The following KCNT1 variants were observed in gnomAD, a reference collection of about 807,000 sequenced individuals.
The protein encoded by KCNT1 is potassium channel subfamily T member 1.
In KCNT1, 78 loss-of-function variants were observed where a neutral mutation model predicts 147.8. The ratio of observed to expected loss-of-function variants is 0.53; its 90% CI spans 0.44 to 0.64. KCNT1 has a LOEUF of 0.64. Among genes scored for constraint, KCNT1 ranks in the 30% least tolerant of loss-of-function variants. KCNT1 has a pLI of 0.00. For synonymous variants in KCNT1, 867 were observed against 748.8 expected (o/e 1.16, Z -2.58); for missense variants, 1,419 against 1,750.3 (o/e 0.81, Z 3.38).
At chr9:135,758,238 C>A (rs1017696510) in intron 9 of KCNT1, among the ~76,000 whole-genome samples, 176 bp from the exon 10 acceptor site, 3 of 147,900 alleles carry the variant, frequency 2.0e-5, no homozygotes, top group Non-Finnish European at 3.0e-5. Flanking sequence ...TGCAGGCTGC[C>A]CCATGGGCCT....
chr9:135,714,534 G>A lies in KCNT1; in HGVS notation c.111-43G>A. 9.7e-7 allele frequency: 1 copy of A among 1,031,188 alleles called. No individual in the cohort carries two copies. Among genetic ancestry groups the A allele is most frequent in the Non-Finnish European group, 1.2e-6 (1 of 860,392 alleles). 63.9% of individuals were successfully genotyped at this position (1,031,188 alleles called of 1,614,324 possible). A position where few individuals can be genotyped will look rare whatever the true frequency, so the allele number is the denominator to read the frequency against. On this transcript the variant is annotated intron_variant, in intron 1 of 30. Coordinates refer to ENST00000371757, the MANE Select transcript of KCNT1 (RefSeq NM_020822.3). The surrounding 1 kb of genome is among the most constrained non-coding windows in gnomAD (Gnocchi z 6.2). ...GGCCGGGGGCTGCGCGCGTCCGCGA[G>A]GGCGCCCGACGCGGGCTGAGGGGCG...
At chr9:135,724,279 C>T (rs1428306406) in intron 2 of KCNT1, among the ~76,000 whole-genome samples, 1 of 152,240 alleles carries the variant, frequency 6.6e-6, no homozygotes, top group African/African-American at 2.4e-5. Flanking sequence ...GGGGCACCAT[C>T]TGCACAGGTG....
At chr9:135,729,836 G>A (rs549959711) in intron 2 of KCNT1, among the ~76,000 whole-genome samples, 59 of 152,306 alleles carry the variant, frequency 3.9e-4, no homozygotes, top group Non-Finnish European at 7.2e-4. Flanking sequence ...CTGGTTGCCC[G>A]TGTCAAAGAT....
intron 13 of KCNT1, among the ~76,000 whole-genome samples, chr9:135,767,766 C>T (rs1305596638): frequency 1.3e-5 from 2 of 152,048 alleles, no homozygotes; most frequent in Non-Finnish European, 2.9e-5. Context: ...AGAGCCCCCT[C>T]GCACGACCTC....
intron 15 of KCNT1, 66 bp downstream of exon 15, chr9:135,769,003 T>A: frequency 1.8e-6 from 2 of 1,106,986 alleles, no homozygotes; most frequent in South Asian, 1.4e-5. Flanking sequence ...ACGTGGGTGA[T>A]GGTGCATCTG....
intron 10 of KCNT1, 118 bp from the exon 11 acceptor site, chr9:135,759,561 G>A: frequency 5.3e-6 from 6 of 1,125,238 alleles, no homozygotes; most frequent in Non-Finnish European, 7.3e-6. Context: ...GGCTCGCCTG[G>A]TGATGCACAG....
intron 24 of KCNT1, 122 bp from the exon 25 acceptor site, chr9:135,783,902 A>AATGTGCACACAGGTATCATGCACAC (rs1833809808): frequency 1.4e-6 from 1 of 721,692 alleles, no homozygotes; most frequent in African/African-American, 1.7e-5. Context: ...ACCATGCACA[A>AATGTGCACACAGGTATCATGCACAC]ATGTGCACAC....
chr9:135,729,406 G>A (rs556187797), intron 2 of KCNT1, among the ~76,000 whole-genome samples: 8 of 152,384 alleles, frequency 5.2e-5, no homozygotes, highest in Admixed American at 3.9e-4. Context: ...AGGGGATTCC[G>A]CAGATGGCGG....
In KCNT1 at chr9:135,731,803, T is replaced by C. The variant is rs147715547; in HGVS notation, c.254+17083T>C. Among the ~76,000 whole-genome samples the C allele has an allele frequency of 4.8e-3, 726 of 151,756 alleles. 2 individuals are homozygous for C. Among genetic ancestry groups the C allele is most frequent in the Middle Eastern group, 0.017 (5 of 294 alleles). On this transcript the variant is annotated intron_variant, in intron 2 of 30. Transcript: ENST00000371757. ...TTCGTAGTGACTCACTGGTTCTGTC[T>C]TGTGCACCTGCAGAATCTTCTTTAC...
intron 12 of KCNT1, 25 bp downstream of exon 12, chr9:135,765,220 C>T: frequency 1.3e-6 from 2 of 1,599,270 alleles, no homozygotes; most frequent in Non-Finnish European, 1.7e-6. Context: ...CGTGGCCCAG[C>T]AGACGACTCC....
At position 135,784,531 on chromosome 9, in the gene KCNT1, C is replaced by G; in HGVS notation, c.2944-4C>G. The G allele has an allele frequency of 1.7e-6, 2 of 1,160,946 alleles. No individual in the cohort carries two copies. Among genetic ancestry groups the G allele is most frequent in the South Asian group, 1.3e-5 (1 of 75,764 alleles). The allele number at this position is 1,160,946 out of a possible 1,614,324, so 71.9% of individuals were successfully genotyped here. The stretch of plus-strand genomic sequence containing the variant: ...CCTCCCTCCCTCCCTCCCTCCCTGG[C>G]CAGTCCTTCGTGAAGGACTACATGA... On this transcript the variant is annotated splice_polypyrimidine_tract_variant and splice_region_variant and intron_variant, in intron 25 of 30. Coordinates refer to ENST00000371757, the MANE Select transcript of KCNT1 (RefSeq NM_020822.3).
At chr9:135,789,877 G>T (rs1834365813) in intron 29 of KCNT1, 2 of 152,422 alleles carry the variant, frequency 1.3e-5, no homozygotes, top group Non-Finnish European at 2.9e-5. Context: ...CCTTCACCAA[G>T]CACCGTGGAC....
At chr9:135,734,511 T>C (rs1830252911) in intron 2 of KCNT1, among the ~76,000 whole-genome samples, 1 of 152,138 alleles carries the variant, frequency 6.6e-6, no homozygotes, top group South Asian at 2.1e-4. Context: ...AAGATCCTCC[T>C]CCCCTCCCCG....
At chr9:135,713,079 C>G (rs1835567872) in intron 1 of KCNT1, among the ~76,000 whole-genome samples, 1 of 152,226 alleles carries the variant, frequency 6.6e-6, no homozygotes, top group Non-Finnish European at 1.5e-5. Flanking sequence ...CAGAGCCGCT[C>G]AAAAGGCAGA....
At chr9:135,722,299 G>T (rs1313992937) in intron 2 of KCNT1, among the ~76,000 whole-genome samples, 1 of 152,246 alleles carries the variant, frequency 6.6e-6, no homozygotes, top group Admixed American at 6.5e-5. Context: ...CACCCCTGGG[G>T]CCGGCACAGC....
rs1834740640 is a variant in KCNT1 at position 135,795,413 on chromosome 9, C to CA, written c.*3253dup. 6.6e-6 allele frequency: 1 copy of CA among 152,222 alleles called. No homozygotes were observed. The allele number at this position is 152,222 out of a possible 1,614,324, so 9.4% of individuals were successfully genotyped here. A position where few individuals can be genotyped will look rare whatever the true frequency, so the allele number is the denominator to read the frequency against. On this transcript the variant is annotated 3_prime_UTR_variant, in exon 31 of 31. Coordinates refer to ENST00000371757, the MANE Select transcript of KCNT1 (RefSeq NM_020822.3). ...GAGCTGAGATGGCACCACTGCACTC[C>CA]AGCCTGGGTGGCAGAGAGAGACCCT...
intron 2 of KCNT1, among the ~76,000 whole-genome samples, chr9:135,732,750 A>ATCTC (rs71505362): frequency 0.36 from 52,601 of 147,606 alleles, 9,313 homozygotes; most frequent in East Asian, 0.58. Flanking sequence ...AGTCCAACCT[A>ATCTC]TCTCTCTCTC....
intron 1 of KCNT1, among the ~76,000 whole-genome samples, chr9:135,713,702 C>T (rs1335280800): frequency 6.6e-6 from 1 of 152,176 alleles, no homozygotes; most frequent in African/African-American, 2.4e-5. Flanking sequence ...CAAGGGCCGG[C>T]CTGGGCCAGG....
chr9:135,733,570 T>C (rs928830338), intron 2 of KCNT1, among the ~76,000 whole-genome samples: 11 of 26,454 alleles, frequency 4.2e-4, no homozygotes, highest in East Asian at 1.4e-3. Flanking sequence ...ACACCTGCCC[T>C]CACACCTGCC....
Sources: allele counts gnomAD v4.1 joint callset (sites outside exome capture counted in the v4.1 genomes callset), GRCh38; gene constraint gnomAD v4.1.1; non-coding constraint Gnocchi (gnomAD v3.1); transcripts MANE v1.5; gene names NCBI Gene and HGNC (gene_info 2026-07-23, HGNC 2026-07-21).